The following SHANK2 variants were observed in gnomAD, a reference collection of about 807,000 sequenced individuals.
The protein encoded by SHANK2 is SH3 and multiple ankyrin repeat domains 2.
SHANK2 carries 43 observed loss-of-function variants against 133.7 expected under a neutral mutation model. The observed-to-expected ratio is 0.32, with a 90% CI of 0.25 to 0.41. SHANK2 has a LOEUF of 0.41. Among genes scored for constraint, SHANK2 ranks in the 10% least tolerant of loss-of-function variants. The probability of loss-of-function intolerance (pLI) is 1.00; values close to 1 mark genes in which losing one functional copy is unlikely to be tolerated. For synonymous variants in SHANK2, 1,017 were observed against 952.8 expected (o/e 1.07, Z -1.24); for missense variants, 1,994 against 2,235.8 (o/e 0.89, Z 2.18).
chr11:71,137,779 G>T (rs1355989044), intron 3 of SHANK2, among the ~76,000 whole-genome samples: 1 of 152,172 alleles, frequency 6.6e-6, no homozygotes, highest in Non-Finnish European at 1.5e-5. Context: ...TGCCATTCAG[G>T]ATCACGACCA....
At chr11:70,733,369 C>T (rs1946330196) in intron 14 of SHANK2, among the ~76,000 whole-genome samples, 1 of 152,176 alleles carries the variant, frequency 6.6e-6, no homozygotes, top group Admixed American at 6.5e-5. Flanking sequence ...ATGTCTCATT[C>T]AATGCACATA....
At chr11:70,564,669 T>C (rs2059946817) in intron 17 of SHANK2, among the ~76,000 whole-genome samples, 1 of 152,218 alleles carries the variant, frequency 6.6e-6, no homozygotes, top group African/African-American at 2.4e-5. Context: ...ACTGATGTTC[T>C]TTTAAAAAGA....
intron 14 of SHANK2, among the ~76,000 whole-genome samples, chr11:70,750,588 C>T (rs1555037292): frequency 1.3e-5 from 2 of 152,152 alleles, no homozygotes; most frequent in Non-Finnish European, 2.9e-5. Flanking sequence ...AAGGGGTCTC[C>T]ATGGACACGG....
At chr11:70,745,299 C>G (rs1555035740) in intron 14 of SHANK2, among the ~76,000 whole-genome samples, 1 of 152,216 alleles carries the variant, frequency 6.6e-6, no homozygotes, top group Non-Finnish European at 1.5e-5. Context: ...ACAGCAAGCT[C>G]GTGATACCCA....
intron 6 of SHANK2, among the ~76,000 whole-genome samples, chr11:71,098,018 ATGTGTGTGCATGCC>A (rs1393267832): frequency 1.0e-4 from 11 of 110,254 alleles, no homozygotes; most frequent in South Asian, 6.0e-4. Context: ...ATGTGTGCCT[ATGTGTGTGCATGCC>A]TGTGTGTGCA....
At chr11:71,182,614 G>C (rs1555113943) in intron 2 of SHANK2, among the ~76,000 whole-genome samples, 1 of 152,076 alleles carries the variant, frequency 6.6e-6, no homozygotes, top group African/African-American at 2.4e-5. Flanking sequence ...TCCTCCTTCT[G>C]ATAAGGATGC....
intron 17 of SHANK2, among the ~76,000 whole-genome samples, chr11:70,567,392 G>A (rs1221022079): frequency 6.6e-6 from 1 of 152,290 alleles, no homozygotes; most frequent in East Asian, 1.9e-4. Context: ...ACTTTGGGAG[G>A]CCGAGGTGGG....
At chr11:70,719,796 T>C (rs763599841) in intron 14 of SHANK2, among the ~76,000 whole-genome samples, 25 of 151,014 alleles carry the variant, frequency 1.7e-4, no homozygotes, top group Non-Finnish European at 2.7e-4. Flanking sequence ...GATCCTCTTG[T>C]CCCACTGCGC....
rs147026207 is a variant in SHANK2, at chr11:70,558,518, T to C, written c.2062-55587A>G. Among the ~76,000 whole-genome samples the C allele has an allele frequency of 3.1e-3, 478 of 152,274 alleles. 3 individuals are homozygous for C. The highest frequency in any genetic ancestry group is 0.011 in the African/African-American group (452 of 41,572). On this transcript the variant is annotated intron_variant, in intron 17 of 25. Coordinates refer to ENST00000601538, the MANE Select transcript of SHANK2 (RefSeq NM_012309.5). ...AAGCCTGGATCTGCCAGCTCTCACT[T>C]GGATGGTCTTAGACAAGTGGCTTAC...
intron 17 of SHANK2, among the ~76,000 whole-genome samples, chr11:70,581,307 A>G (rs554941071): frequency 1.3e-5 from 2 of 152,208 alleles, no homozygotes; most frequent in Admixed American, 6.5e-5. Flanking sequence ...TCTGAATGGT[A>G]TATTTTGTGT....
At chr11:71,208,374 G>A (rs1954174842) in intron 2 of SHANK2, among the ~76,000 whole-genome samples, 1 of 152,140 alleles carries the variant, frequency 6.6e-6, no homozygotes, top group Non-Finnish European at 1.5e-5. Context: ...AAGGCTCCAA[G>A]GATGGACTGG....
intron 11 of SHANK2, among the ~76,000 whole-genome samples, chr11:70,841,998 C>T (rs1555061869): frequency 6.6e-6 from 1 of 152,122 alleles, no homozygotes; most frequent in Admixed American, 6.5e-5. Flanking sequence ...CCTAACTGCC[C>T]TTCTCCCTTA....
At chr11:70,794,010 G>A (rs1947853290) in intron 14 of SHANK2, among the ~76,000 whole-genome samples, 2 of 152,190 alleles carry the variant, frequency 1.3e-5, no homozygotes, top group African/African-American at 4.8e-5. Flanking sequence ...TCTGGGCATG[G>A]TGGATCATGC....
chr11:70,772,002 C>CA (rs1565305952), intron 14 of SHANK2, among the ~76,000 whole-genome samples: 1 of 152,172 alleles, frequency 6.6e-6, no homozygotes, highest in African/African-American at 2.4e-5. Context: ...CGGCTCAAGT[C>CA]AGTGGAACCC....
chr11:71,163,093 A>AAAACATATATATATATATATATATAT lies in SHANK2; in HGVS notation c.-12-15756_-12-15755insATATATATATATATATATATATGTTT. Among the ~76,000 whole-genome samples, 62 of 84,684 alleles carry AAAACATATATATATATATATATATAT rather than the reference A, an allele frequency of 7.3e-4. 3 individuals carry two copies. The highest frequency in any genetic ancestry group is 2.6e-3 in the African/African-American group (56 of 21,772). The allele number at this position is 84,684 out of a possible 152,430, so 55.6% of individuals were successfully genotyped here. ...GTCTAAAAAAAAAAAAAAAAAAAAA[A>AAAACATATATATATATATATATATAT]ATACATATATATATATATACAGAAT... On this transcript the variant is annotated intron_variant, in intron 2 of 25. Coordinates refer to ENST00000601538, the MANE Select transcript of SHANK2 (RefSeq NM_012309.5).
intron 9 of SHANK2, among the ~76,000 whole-genome samples, chr11:71,065,042 C>T (rs981815070): frequency 1.6e-4 from 24 of 152,198 alleles, no homozygotes; most frequent in Non-Finnish European, 3.1e-4. Context: ...GCAGTGCAGA[C>T]GCCGAGAGAT....
intron 6 of SHANK2, among the ~76,000 whole-genome samples, chr11:71,098,033 TGTGTGTGC>T (rs782203387): frequency 1.4e-4 from 21 of 151,018 alleles, no homozygotes; most frequent in Non-Finnish European, 3.0e-4. Context: ...TGTGCATGCC[TGTGTGTGC>T]ATGTGTGCAT....
At chr11:70,558,955 A>G (rs1392950499) in intron 17 of SHANK2, among the ~76,000 whole-genome samples, 1 of 152,220 alleles carries the variant, frequency 6.6e-6, no homozygotes, top group Non-Finnish European at 1.5e-5. Flanking sequence ...GTGCACACAC[A>G]CGCCTCTTAA....
chr11:70,660,579 C>T (rs560246406), intron 16 of SHANK2, among the ~76,000 whole-genome samples: 222 of 152,298 alleles, frequency 1.5e-3, no homozygotes, highest in African/African-American at 5.3e-3. Flanking sequence ...GCTTCTGGGG[C>T]CCCACACAGC....
Sources: allele counts gnomAD v4.1 joint callset (sites outside exome capture counted in the v4.1 genomes callset), GRCh38; gene constraint gnomAD v4.1.1; transcripts MANE v1.5; gene names NCBI Gene and HGNC (gene_info 2026-07-23, HGNC 2026-07-21).